SLC4A4: variants seen among roughly 807,000 people sequenced by gnomAD.
The protein encoded by SLC4A4 is electrogenic sodium bicarbonate cotransporter 1.
Under a neutral mutation model 111.5 loss-of-function variants are expected in SLC4A4, and 27 were observed. The ratio of observed to expected loss-of-function variants is 0.24; its 90% confidence interval spans 0.18 to 0.33. The LOEUF (loss-of-function observed/expected upper bound fraction) is 0.33, where lower values mean the gene tolerates loss of function less well. SLC4A4 is among the 10% of genes least tolerant of loss of function. The probability of loss-of-function intolerance (pLI) is 1.00; values close to 1 mark genes in which losing one functional copy is unlikely to be tolerated. For missense variants in SLC4A4, 909 were observed against 1,315.5 expected (o/e 0.69, Z 4.78); for synonymous variants, 443 against 463.4 (o/e 0.96, Z 0.57).
chr4:71,176,039 C>A (rs1745085933), intron 2 of SLC4A4, among the ~76,000 whole-genome samples: 1 of 152,226 alleles, frequency 6.6e-6, no homozygotes, highest in Non-Finnish European at 1.5e-5. Flanking sequence ...TGTTCTGTAG[C>A]TTCCGCTGCT....
chr4:71,423,351 A>T (rs1722752479), intron 7 of SLC4A4, among the ~76,000 whole-genome samples: 1 of 152,218 alleles, frequency 6.6e-6, no homozygotes, highest in African/African-American at 2.4e-5. Flanking sequence ...ATACAAACAA[A>T]TGGAAGAACA....
chr4:71,506,355 T>C (rs1731416435), intron 16 of SLC4A4, among the ~76,000 whole-genome samples: 2 of 152,202 alleles, frequency 1.3e-5, no homozygotes, highest in African/African-American at 2.4e-5. Flanking sequence ...TTTTCTGTCA[T>C]CTCTGATTTC....
At chr4:71,438,092 T>C (rs1384210802) in intron 7 of SLC4A4, among the ~76,000 whole-genome samples, 4 of 152,190 alleles carry the variant, frequency 2.6e-5, no homozygotes, top group African/African-American at 9.7e-5. Flanking sequence ...CCCCTTAATA[T>C]GTTATTTTTA....
At chr4:71,098,187 G>T (rs1742614500) in intron 2 of SLC4A4, among the ~76,000 whole-genome samples, 1 of 152,138 alleles carries the variant, frequency 6.6e-6, no homozygotes, top group Non-Finnish European at 1.5e-5. Context: ...AATTCATCCT[G>T]AGTTGATTTT....
chr4:71,288,870 AT>A (rs1724118910), intron 3 of SLC4A4, among the ~76,000 whole-genome samples: 2 of 152,354 alleles, frequency 1.3e-5, no homozygotes, highest in African/African-American at 2.4e-5. Flanking sequence ...AGTTAAAAAA[AT>A]CAATCCTAAT....
intron 3 of SLC4A4, among the ~76,000 whole-genome samples, chr4:71,295,855 T>A (rs1724745872): frequency 6.6e-6 from 1 of 152,122 alleles, no homozygotes; most frequent in South Asian, 2.1e-4. Flanking sequence ...GACAGGGGTT[T>A]CACCATGTTG....
At chr4:71,397,381 G>A (rs768789492) in intron 6 of SLC4A4, among the ~76,000 whole-genome samples, 196 bp from the exon 7 acceptor site, 9 of 152,164 alleles carry the variant, frequency 5.9e-5, no homozygotes, top group Non-Finnish European at 8.8e-5. Context: ...AGGTATTTGA[G>A]ATTTTACATA....
At chr4:71,501,198 T>TTAA (rs1270926758) in intron 16 of SLC4A4, among the ~76,000 whole-genome samples, 1 of 152,182 alleles carries the variant, frequency 6.6e-6, no homozygotes, top group Non-Finnish European at 1.5e-5. Context: ...TTCTTAAATG[T>TTAA]TTTATTCTTT....
intron 14 of SLC4A4, among the ~76,000 whole-genome samples, chr4:71,476,559 C>T (rs183232401): frequency 6.6e-6 from 1 of 151,700 alleles, no homozygotes; most frequent in Non-Finnish European, 1.5e-5. Flanking sequence ...AAAGAAACCT[C>T]TCTTCATGGC....
chr4:71,200,437 C>T (rs897868378), intron 1 of SLC4A4, among the ~76,000 whole-genome samples: 1 of 152,140 alleles, frequency 6.6e-6, no homozygotes, highest in Non-Finnish European at 1.5e-5. Flanking sequence ...ATAATTTTCG[C>T]TCTTGTTCAT....
chr4:71,306,065 C>A (rs927343767), intron 3 of SLC4A4, among the ~76,000 whole-genome samples: 3 of 152,314 alleles, frequency 2.0e-5, no homozygotes, highest in Middle Eastern at 3.4e-3. Flanking sequence ...TTTCAACAAC[C>A]ATTCCTTCCT....
At chr4:71,212,302 G>C in intron 1 of SLC4A4, among the ~76,000 whole-genome samples, 1 of 152,210 alleles carries the variant, frequency 6.6e-6, no homozygotes, top group African/African-American at 2.4e-5. Flanking sequence ...CACTTGGTTA[G>C]ATTCGGGGTT....
At chr4:71,478,502 A>G (rs1322044049) in intron 14 of SLC4A4, among the ~76,000 whole-genome samples, 1 of 151,770 alleles carries the variant, frequency 6.6e-6, no homozygotes, top group South Asian at 2.1e-4. Context: ...GCAAACTAAC[A>G]TAGGAACAGA....
At chr4:71,466,201 A>G (rs937311190) in intron 12 of SLC4A4, among the ~76,000 whole-genome samples, 1 of 152,132 alleles carries the variant, frequency 6.6e-6, no homozygotes, top group Non-Finnish European at 1.5e-5. Flanking sequence ...CATCATAGTA[A>G]TTATAGTGCT....
chr4:71,486,455 T>G (rs977155948), intron 14 of SLC4A4, among the ~76,000 whole-genome samples: 1 of 151,506 alleles, frequency 6.6e-6, no homozygotes, highest in Non-Finnish European at 1.5e-5. Flanking sequence ...TAATACTGTC[T>G]CTTGTTTTCA....
At chr4:71,109,133 G>A (rs935576371) in intron 2 of SLC4A4, among the ~76,000 whole-genome samples, 2 of 150,944 alleles carry the variant, frequency 1.3e-5, no homozygotes, top group African/African-American at 4.9e-5. Context: ...TCTTCCTCAG[G>A]GTTTGCTGTT....
At chr4:71,313,116 C>T (rs1264203198) in intron 3 of SLC4A4, among the ~76,000 whole-genome samples, 1 of 152,194 alleles carries the variant, frequency 6.6e-6, no homozygotes, top group African/African-American at 2.4e-5. Context: ...AAATCACAAG[C>T]ATTCCCATAC....
At chr4:71,073,069 C>A (rs748317215) in intron 1 of SLC4A4, among the ~76,000 whole-genome samples, 11 of 152,028 alleles carry the variant, frequency 7.2e-5, no homozygotes, top group Non-Finnish European at 1.6e-4. Flanking sequence ...GCCCAGCCTT[C>A]CTTTGGATTT....
intron 3 of SLC4A4, among the ~76,000 whole-genome samples, chr4:71,282,707 T>C (rs1723618888): frequency 1.3e-5 from 2 of 151,842 alleles, no homozygotes; most frequent in Non-Finnish European, 2.9e-5. Context: ...CTCAGCCTCC[T>C]GAGTAGCTGG....
Sources: gnomAD v4.1 joint callset for allele counts (sites outside exome capture counted in the v4.1 genomes callset) on GRCh38, gnomAD v4.1.1 for gene constraint, MANE v1.5 for transcripts, NCBI Gene and HGNC (gene_info 2026-07-23, HGNC 2026-07-21) for gene names.